RAPH1: variants seen among roughly 807,000 people sequenced by gnomAD.
The protein encoded by RAPH1 is Ras association (RalGDS/AF-6) and pleckstrin homology domains 1.
RAPH1 carries 18 observed loss-of-function variants against 88.1 expected under a neutral mutation model. The observed-to-expected ratio is 0.20, with a 90% CI of 0.14 to 0.30. The LOEUF (loss-of-function observed/expected upper bound fraction) is 0.30, where lower values mean the gene tolerates loss of function less well. Among genes scored for constraint, RAPH1 ranks in the 10% least tolerant of loss-of-function variants. The probability of loss-of-function intolerance (pLI) is 1.00; values close to 1 mark genes in which losing one functional copy is unlikely to be tolerated. For missense variants in RAPH1, 1,448 were observed against 1,543.2 expected, an observed-to-expected ratio of 0.94 and a Z score of 1.03; for synonymous variants, 587 against 559.0, an observed-to-expected ratio of 1.05 and a Z score of -0.71.
At chr2:203,513,351 CTTTTTTTTTTT>C (rs35194583) in intron 1 of RAPH1, among the ~76,000 whole-genome samples, 1 of 86,912 alleles carries the variant, frequency 1.2e-5, no homozygotes, top group Non-Finnish European at 2.2e-5. Flanking sequence ...TTCTCTCAAT[CTTTTTTTTTTT>C]TTTTTTTTTT....
At chr2:203,514,564 T>G (rs1216026995) in intron 1 of RAPH1, among the ~76,000 whole-genome samples, 6 of 151,964 alleles carry the variant, frequency 3.9e-5, no homozygotes, top group Non-Finnish European at 8.8e-5. Context: ...GGGGTTTTTT[T>G]GTTTTTTTAA....
In RAPH1 at chr2:203,441,337, G is replaced by T; in HGVS notation, c.1853C>A (p.Pro618His). The T allele has an allele frequency of 6.3e-7, 1 of 1,579,610 alleles. No homozygotes were observed. The highest frequency in any genetic ancestry group is 8.6e-7 in the Non-Finnish European group (1 of 1,164,630). Residue 618 changes from proline to histidine, a missense_variant, in exon 14 of 14, where the codon CCC becomes CAC. Transcript: ENST00000319170. Reference protein sequence around the residue: ...PLSPQPKIVTPYTASQPSPPL... With the variant: ...PLSPQPKIVTHYTASQPSPPL... ...TGGTGAAGGCTGTGAAGCAGTGTAG[G>T]GGGTGACTATCTTAGGTTGCGGGGA... is the stretch of plus-strand genomic sequence containing the variant.
intron 8 of RAPH1, 112 bp downstream of exon 8, chr2:203,457,417 CT>C (rs2098520580): frequency 2.4e-6 from 2 of 847,466 alleles, no homozygotes; most frequent in Admixed American, 3.7e-5. Flanking sequence ...AACTCCTGAT[CT>C]TGTGATTCAC....
chr2:203,524,920 T>C (rs537973665), intron 1 of RAPH1, among the ~76,000 whole-genome samples: 95 of 152,358 alleles, frequency 6.2e-4, no homozygotes, highest in African/African-American at 2.2e-3. Flanking sequence ...AAAGACTTCA[T>C]AGCAGAATTA....
chr2:203,491,333 A>G lies in RAPH1; in HGVS notation c.121-14T>C. ...AGAATCCAAACTCTTTATAAAAAGA[A>G]AGTTTAATAGTCATATTAAATTCAG... is the stretch of plus-strand genomic sequence containing the variant. On this transcript the variant is annotated splice_polypyrimidine_tract_variant and intron_variant, in intron 2 of 13. Coordinates refer to ENST00000319170, the MANE Select transcript of RAPH1 (RefSeq NM_213589.3). 6.5e-7 allele frequency: 1 copy of G among 1,540,708 alleles called. No homozygotes were observed. The highest frequency in any genetic ancestry group is 2.3e-5 in the East Asian group (1 of 44,394).
In RAPH1 at chr2:203,437,747, G is replaced by C. The variant is rs753204092; in HGVS notation, c.*1690C>G. On this transcript the variant is annotated 3_prime_UTR_variant, in exon 14 of 14. Transcript: ENST00000319170. ...TAATTAAGCACTTTTGCTCATTCTA[G>C]AATTATTTACCATCTCTTCCCCCAC... 1.6e-5 allele frequency: 3 copies of C among 187,458 alleles called. No homozygotes were observed. Among genetic ancestry groups the C allele is most frequent in the Non-Finnish European group, 3.3e-5 (3 of 91,290 alleles). 11.6% of individuals were successfully genotyped at this position (187,458 alleles called of 1,614,324 possible).
chr2:203,465,879 A>C (rs79063061), intron 4 of RAPH1, among the ~76,000 whole-genome samples: 1 of 150,648 alleles, frequency 6.6e-6, no homozygotes, highest in Non-Finnish European at 1.5e-5. Flanking sequence ...CTTCGTCTCA[A>C]AAAAAAAAAG....
chr2:203,514,130 C>T (rs946010086), intron 1 of RAPH1, among the ~76,000 whole-genome samples: 4 of 152,152 alleles, frequency 2.6e-5, no homozygotes, highest in Non-Finnish European at 4.4e-5. Context: ...GCATGAGCCA[C>T]CACACCTGGC....
At chr2:203,488,447 G>C (rs1364862329) in intron 4 of RAPH1, among the ~76,000 whole-genome samples, 1 of 151,712 alleles carries the variant, frequency 6.6e-6, no homozygotes, top group Non-Finnish European at 1.5e-5. Context: ...AAATTAGCCA[G>C]GCATGGTGGC....
Position 203,510,420 on chromosome 2 carries a change from G to C in RAPH1, c.1-15067C>G, listed in dbSNP as rs187135231. Among the ~76,000 whole-genome samples, 1,034 of 151,502 alleles carry C rather than the reference G, an allele frequency of 6.8e-3. 15 individuals carry two copies. Among genetic ancestry groups the C allele is most frequent in the Admixed American group, 0.029 (434 of 15,198 alleles). On this transcript the variant is annotated intron_variant, in intron 1 of 13. Transcript: ENST00000319170. ...ATCCCTTACCAAAGGCTGTAGTAGA[G>C]GTAGGGACCATTCATAAAGAAGCCA...
Position 203,439,604 on chromosome 2 carries a change from T to G in RAPH1, c.3586A>C (p.Thr1196Pro), listed in dbSNP as rs1197382939. ...SRMSRAEPTATMDDMALPPPP... is the reference protein window; with the variant it reads ...SRMSRAEPTAPMDDMALPPPP... ...GGAGGCAATGCCATATCATCCATGGTGGCTGTTGGTTCTGCTCTGGACATG... is the reference window on the plus strand; with the variant it reads ...GGAGGCAATGCCATATCATCCATGGGGGCTGTTGGTTCTGCTCTGGACATG... Residue 1196 changes from threonine (T) to proline (P), a missense_variant, in exon 14 of 14, where the codon ACC (threonine) becomes CCC (proline). Transcript: ENST00000319170. 6.2e-7 allele frequency: 1 copy of G among 1,614,092 alleles called. No homozygotes were observed. Among genetic ancestry groups the G allele is most frequent in the South Asian group, 1.1e-5 (1 of 91,078 alleles).
rs1466369161 is a variant in RAPH1, at chr2:203,436,138, CCCAAGACAGTTCA to C, written c.*3286_*3298del. The C allele has an allele frequency of 2.6e-5, 4 of 152,112 alleles. No individual in the cohort carries two copies. Among genetic ancestry groups the C allele is most frequent in the African/African-American group, 7.2e-5 (3 of 41,428 alleles). 9.4% of individuals were successfully genotyped at this position (152,112 alleles called of 1,614,324 possible). A position where few individuals can be genotyped will look rare whatever the true frequency, so the allele number is the denominator to read the frequency against. The stretch of plus-strand genomic sequence containing the variant: ...CAAGAAAACATACATGGAAAGGGGA[CCCAAGACAGTTCA>C]CCAAGATAGTTCACAGCCCTTTGCA... On this transcript the variant is annotated 3_prime_UTR_variant, in exon 14 of 14. Transcript: ENST00000319170.
At chr2:203,500,486 T>C (rs1193270773) in intron 1 of RAPH1, among the ~76,000 whole-genome samples, 3 of 152,302 alleles carry the variant, frequency 2.0e-5, no homozygotes, top group South Asian at 2.1e-4. Context: ...CTTTATCCTG[T>C]AGGGCAATGT....
chr2:203,506,261 C>T (rs1486788664), intron 1 of RAPH1, among the ~76,000 whole-genome samples: 2 of 152,120 alleles, frequency 1.3e-5, no homozygotes, highest in Admixed American at 6.5e-5. Flanking sequence ...GAAATAAAGA[C>T]AGAGATGTGT....
chr2:203,488,081 T>C (rs1688055355), intron 4 of RAPH1, among the ~76,000 whole-genome samples: 3 of 152,228 alleles, frequency 2.0e-5, no homozygotes, highest in African/African-American at 4.8e-5. Flanking sequence ...CCCATTTTTC[T>C]TCTTTCTTGC....
intron 4 of RAPH1, chr2:203,470,197 A>G: frequency 7.7e-7 from 1 of 1,291,864 alleles, no homozygotes; most frequent in Non-Finnish European, 1.1e-6. Context: ...TATTCTACCT[A>G]CAAGGCAGTA....
intron 1 of RAPH1, among the ~76,000 whole-genome samples, chr2:203,521,255 T>C (rs1161067090): frequency 1.3e-5 from 2 of 152,184 alleles, no homozygotes; most frequent in East Asian, 3.8e-4. Context: ...GGTTTCACCA[T>C]GTTGGCCAGG....
intron 1 of RAPH1, among the ~76,000 whole-genome samples, chr2:203,520,845 T>C (rs889433169): frequency 6.6e-6 from 1 of 152,016 alleles, no homozygotes; most frequent in African/African-American, 2.4e-5. Flanking sequence ...AAAACACATA[T>C]CTTGTGAACC....
intron 3 of RAPH1, 38 bp from the exon 4 acceptor site, chr2:203,490,127 C>T (rs1688194531): frequency 3.3e-6 from 5 of 1,521,820 alleles, no homozygotes; most frequent in African/African-American, 2.8e-5. Flanking sequence ...AGAATTTATA[C>T]ATTCTATTAT....
Sources: gnomAD v4.1 joint callset for allele counts (sites outside exome capture counted in the v4.1 genomes callset) on GRCh38, gnomAD v4.1.1 for gene constraint, MANE v1.5 for transcripts, NCBI Gene and HGNC (gene_info 2026-07-23, HGNC 2026-07-21) for gene names.